The following SNX31 variants were observed in gnomAD, a reference collection of about 807,000 sequenced individuals.
SNX31 encodes the protein sorting nexin 31.
SNX31 carries 58 observed loss-of-function variants against 65.4 expected under a neutral mutation model. The observed-to-expected ratio is 0.89, with a 90% CI of 0.72 to 1.10. SNX31 has a LOEUF of 1.10. Ranked by LOEUF, SNX31 falls within the 50% of genes least tolerant of loss-of-function variation. The pLI is 0.00. For missense variants in SNX31, 523 were observed against 529.7 expected, an observed-to-expected ratio of 0.99 and a Z score of 0.12; for synonymous variants, 181 against 190.1, an observed-to-expected ratio of 0.95 and a Z score of 0.39.
At chr8:100,644,077 G>A (rs1022122163) in intron 2 of SNX31, among the ~76,000 whole-genome samples, 2 of 152,220 alleles carry the variant, frequency 1.3e-5, no homozygotes, top group South Asian at 4.2e-4. Flanking sequence ...ACAAAGAGTG[G>A]GCCAGCCTGA....
intron 10 of SNX31, among the ~76,000 whole-genome samples, chr8:100,589,301 C>CAAAAAAAAAAAAAA (rs35464482): frequency 1.0e-5 from 1 of 96,434 alleles, no homozygotes; most frequent in Admixed American, 1.0e-4. Context: ...GACTTCGTCT[C>CAAAAAAAAAAAAAA]AAAAAAAAAA....
intron 4 of SNX31, among the ~76,000 whole-genome samples, chr8:100,623,424 G>T (rs577937818): frequency 6.6e-6 from 1 of 152,210 alleles, no homozygotes; most frequent in East Asian, 1.9e-4. Context: ...AATCCAAACA[G>T]TTCCCTCACC....
chr8:100,635,934 A>C lies in SNX31; in HGVS notation c.219T>G (p.Asp73Glu), dbSNP rs377079829. The part of the protein sequence containing the change: ...YYLAMTTAMA[D>E]ERRDQLEQYL... ...ATTGTTCCAGTTGGTCCCTCCTCTC[A>C]TCAGCCATAGCTGTGGTCATTGCCA... Residue 73 changes from aspartate (D) to glutamate (E), a missense_variant, in exon 3 of 14, where the codon GAT becomes GAG. Coordinates refer to ENST00000311812, the MANE Select transcript of SNX31 (RefSeq NM_152628.4). 6.2e-7 allele frequency: 1 copy of C among 1,614,028 alleles called. No individual in the cohort carries two copies. The highest frequency in any genetic ancestry group is 8.5e-7 in the Non-Finnish European group (1 of 1,180,002).
chr8:100,600,337 T>C lies in SNX31; in HGVS notation c.774+12A>G. ...TTTCAAGGGATTTCTCTTGGAGCAA[T>C]ATTTGATTCACCTTTGTTTGACTGT... On this transcript the variant is annotated intron_variant, in intron 9 of 13. Transcript: ENST00000311812. 1.2e-6 allele frequency: 2 copies of C among 1,605,874 alleles called. No homozygotes were observed. The highest frequency in any genetic ancestry group is 1.7e-6 in the Non-Finnish European group (2 of 1,172,734).
At chr8:100,638,505 C>G (rs926329466) in intron 2 of SNX31, among the ~76,000 whole-genome samples, 4 of 152,064 alleles carry the variant, frequency 2.6e-5, no homozygotes. Context: ...ACTGCCTGCC[C>G]GTGGGCAAAA....
At position 100,575,655 on chromosome 8, in the gene SNX31, T is replaced by C. The variant is rs1350663884; in HGVS notation, c.1227+1364A>G. Among the ~76,000 whole-genome samples the C allele has an allele frequency of 6.6e-6, 1 of 152,226 alleles. No homozygotes were observed. The highest frequency in any genetic ancestry group is 2.4e-5 in the African/African-American group (1 of 41,466). On this transcript the variant is annotated intron_variant, in intron 13 of 13. Transcript: ENST00000311812. The surrounding 1 kb of genome is among the most constrained non-coding windows in gnomAD (Gnocchi z 5.1). ...TGCGGCCTTCCCCCAGAGCTGCTGA[T>C]CCAGTAGGTTTGGGGCCTGAGAATT...
intron 7 of SNX31, among the ~76,000 whole-genome samples, 158 bp from the exon 8 acceptor site, chr8:100,608,721 C>T (rs1469052289): frequency 6.6e-6 from 1 of 152,212 alleles, no homozygotes; most frequent in Non-Finnish European, 1.5e-5. Context: ...TCTGCCCCTC[C>T]ACCTCTTTCG....
rs7004022 is a variant in SNX31, at chr8:100,625,612, A to C, written c.321+4715T>G. On this transcript the variant is annotated intron_variant, in intron 4 of 13. Transcript: ENST00000311812. This position sits in a 1 kb window ranked among gnomAD's most constrained non-coding sequence, Gnocchi z 4.2. ...AACAGAAAACAATGAAAAGGAAAGC[A>C]TCCTTGAAGAAACTTACAAATAGCC... Among the ~76,000 whole-genome samples the C allele has an allele frequency of 0.18, 26,642 of 152,180 alleles. 2,775 individuals are homozygous for C. Among genetic ancestry groups the C allele is most frequent in the African/African-American group, 0.28 (11,568 of 41,494 alleles).
chr8:100,635,054 G>T (rs1818665385), intron 3 of SNX31, among the ~76,000 whole-genome samples: 1 of 151,968 alleles, frequency 6.6e-6, no homozygotes, highest in African/African-American at 2.4e-5. Context: ...AACAGGGAAA[G>T]ATCCTGTCTC....
intron 2 of SNX31, among the ~76,000 whole-genome samples, chr8:100,645,742 G>GCCTCCCAC: frequency 1.3e-5 from 2 of 151,268 alleles, no homozygotes; most frequent in South Asian, 4.2e-4. Flanking sequence ...CTCCTGAATA[G>GCCTCCCAC]CTGGAATTAC....
At chr8:100,579,527 A>G (rs1202483803) in intron 12 of SNX31, among the ~76,000 whole-genome samples, 1 of 152,022 alleles carries the variant, frequency 6.6e-6, no homozygotes, top group Non-Finnish European at 1.5e-5. Flanking sequence ...CAGTTTTTCC[A>G]TTTTCTATAT....
In SNX31 at chr8:100,627,921, T is replaced by A. The variant is rs11506114; in HGVS notation, c.321+2406A>T. On this transcript the variant is annotated intron_variant, in intron 4 of 13. Coordinates refer to ENST00000311812, the MANE Select transcript of SNX31 (RefSeq NM_152628.4). ...AAAAACAAACAACTCCATCAAAAAG[T>A]GGGCAAAGGATATGAACAGACACTT... 7.2e-3 allele frequency among the ~76,000 whole-genome samples: 1,088 copies of A among 152,124 alleles called. 18 individuals are homozygous for A. The highest frequency in any genetic ancestry group is 0.025 in the African/African-American group (1,047 of 41,486).
rs1344242012 is a variant in SNX31 at position 100,573,640 on chromosome 8, A to C, written c.*225T>G. 6 of 342,482 alleles carry C rather than the reference A, an allele frequency of 1.8e-5. No individual in the cohort carries two copies. The highest frequency in any genetic ancestry group is 3.1e-5 in the Non-Finnish European group (6 of 190,926). 21.2% of individuals were successfully genotyped at this position (342,482 alleles called of 1,614,324 possible). On this transcript the variant is annotated 3_prime_UTR_variant, in exon 14 of 14. Coordinates refer to ENST00000311812, the MANE Select transcript of SNX31 (RefSeq NM_152628.4). ...CTGTCATGACGAAGTGCAAAAATAAAATAAAAACTAACTCTATAACTTGGT... is the reference window on the plus strand; with the variant it reads ...CTGTCATGACGAAGTGCAAAAATAACATAAAAACTAACTCTATAACTTGGT...
chr8:100,656,912 C>A (rs888462386), intron 1 of SNX31, among the ~76,000 whole-genome samples: 2 of 152,092 alleles, frequency 1.3e-5, no homozygotes, highest in Non-Finnish European at 2.9e-5. Flanking sequence ...CAGATGTGAC[C>A]CTGCTCTGTC....
At position 100,580,158 on chromosome 8, in the gene SNX31, A is replaced by T. The variant is rs1164002957; in HGVS notation, c.1171-3083T>A. 1.2e-4 allele frequency among the ~76,000 whole-genome samples: 6 copies of T among 50,896 alleles called. 1 individual carries two copies. The highest frequency in any genetic ancestry group is 1.1e-3 in the South Asian group (2 of 1,902). 33.4% of individuals were successfully genotyped at this position (50,896 alleles called of 152,430 possible). ...GCCTGGGAGACAGAGCCTGTCTTTA[A>T]AAAAAAAAAAAAAAAAAAACAGTCT... is the stretch of plus-strand genomic sequence containing the variant. On this transcript the variant is annotated intron_variant, in intron 12 of 13. Transcript: ENST00000311812.
At chr8:100,627,909 T>C (rs10110120) in intron 4 of SNX31, among the ~76,000 whole-genome samples, 9 of 151,484 alleles carry the variant, frequency 5.9e-5, no homozygotes, top group Admixed American at 1.3e-4. Context: ...AACAAACAAC[T>C]CCATCAAAAA....
intron 2 of SNX31, among the ~76,000 whole-genome samples, chr8:100,646,346 C>T (rs977991457): frequency 1.3e-5 from 2 of 152,214 alleles, no homozygotes. Flanking sequence ...AGGAGAGACC[C>T]GGCAAGCAAA....
upstream of SNX31, among the ~76,000 whole-genome samples, chr8:100,653,250 A>G (rs1294344707): frequency 1.3e-5 from 2 of 152,200 alleles, no homozygotes; most frequent in Non-Finnish European, 2.9e-5. Flanking sequence ...TATACGATAC[A>G]TAGGAGAACT....
At position 100,629,224 on chromosome 8, in the gene SNX31, G is replaced by A. The variant is rs1254355515; in HGVS notation, c.321+1103C>T. ...GCTTATATATGTGCAGAAATGTGTA[G>A]CAAAAGAGCACTATAAACTATTAGA... On this transcript the variant is annotated intron_variant, in intron 4 of 13. Transcript: ENST00000311812. This position sits in a 1 kb window ranked among gnomAD's most constrained non-coding sequence, Gnocchi z 5.1. Among the ~76,000 whole-genome samples, 1 of 152,120 alleles carries A rather than the reference G, an allele frequency of 6.6e-6. No homozygotes were observed. Among genetic ancestry groups the A allele is most frequent in the African/African-American group, 2.4e-5 (1 of 41,416 alleles).
Sources: allele counts gnomAD v4.1 joint callset (sites outside exome capture counted in the v4.1 genomes callset), GRCh38; gene constraint gnomAD v4.1.1; non-coding constraint Gnocchi (gnomAD v3.1); transcripts MANE v1.5; gene names NCBI Gene and HGNC (gene_info 2026-07-23, HGNC 2026-07-21).